The following C10orf143 variants were observed in gnomAD, a reference collection of about 807,000 sequenced individuals.
C10orf143 encodes the protein chromosome 10 open reading frame 143.
intron 1 of C10orf143, among the ~76,000 whole-genome samples, chr10:130,092,941 A>T (rs911562496): frequency 6.6e-6 from 1 of 152,184 alleles, no homozygotes; most frequent in Non-Finnish European, 1.5e-5. Flanking sequence ...ACCTACAAAG[A>T]GATTTAGACT....
At chr10:130,078,271 T>G (rs1447082267) in intron 3 of C10orf143, among the ~76,000 whole-genome samples, 1 of 152,156 alleles carries the variant, frequency 6.6e-6, no homozygotes, top group African/African-American at 2.4e-5. Context: ...CTGTACTACA[T>G]TCCAAGTGTT....
intron 1 of C10orf143, among the ~76,000 whole-genome samples, chr10:130,103,535 G>A (rs1184945): frequency 0.58 from 87,774 of 151,912 alleles, 26,780 homozygotes; most frequent in Admixed American, 0.7. Flanking sequence ...GGCCAGGTGC[G>A]GTGGCTCATG....
At chr10:130,106,009 G>T in intron 1 of C10orf143, 1 of 455,560 alleles carries the variant, frequency 2.2e-6, no homozygotes, top group East Asian at 6.0e-5. Flanking sequence ...GTTGTGGCCG[G>T]GGTTACTGCG....
rs138516557 is a variant in C10orf143 at position 130,044,239 on chromosome 10, C to T, written c.298-8269G>A. On this transcript the variant is annotated intron_variant and NMD_transcript_variant, in intron 3 of 5. Coordinates refer to the C10orf143 transcript ENST00000643056. ...GAGAAGCCTTGGCGGGAAAAGTGAC[C>T]GAGACATTTGAGAACAGGCTGAGCC... Among the ~76,000 whole-genome samples, 95 of 152,232 alleles carry T rather than the reference C, an allele frequency of 6.2e-4. No individual in the cohort carries two copies. In the East Asian group the frequency reaches 0.017, roughly 27 times the overall value.
At chr10:130,048,322 C>T (rs1218010784) in intron 3 of C10orf143, among the ~76,000 whole-genome samples, 1 of 152,184 alleles carries the variant, frequency 6.6e-6, no homozygotes, top group Non-Finnish European at 1.5e-5. Flanking sequence ...GGGTAAGAGC[C>T]CCAGTCTGTG....
At chr10:130,080,719 C>A (rs1477690262) in intron 1 of C10orf143, among the ~76,000 whole-genome samples, 2 of 152,232 alleles carry the variant, frequency 1.3e-5, no homozygotes, top group Admixed American at 6.5e-5. Flanking sequence ...CAGTCACTTG[C>A]AAACCACCTT....
intron 1 of C10orf143, chr10:130,101,035 T>C (rs1564969901): frequency 1.3e-5 from 2 of 151,984 alleles, no homozygotes; most frequent in African/African-American, 4.8e-5. Context: ...CTGGCCAACA[T>C]GGTGAAACCC....
chr10:130,071,601 T>C (rs953548182), intron 3 of C10orf143, among the ~76,000 whole-genome samples: 3 of 152,170 alleles, frequency 2.0e-5, no homozygotes, highest in Non-Finnish European at 4.4e-5. Context: ...TTCTGATATG[T>C]AGCATGTCTT....
intron 3 of C10orf143, among the ~76,000 whole-genome samples, chr10:130,038,268 G>T (rs538479315): frequency 6.6e-6 from 1 of 152,280 alleles, no homozygotes; most frequent in South Asian, 2.1e-4. Context: ...TTTCGGGTTC[G>T]GGACTGCTCA....
downstream of C10orf143, among the ~76,000 whole-genome samples, chr10:130,062,832 G>T (rs575501033): frequency 1.3e-5 from 2 of 152,228 alleles, no homozygotes; most frequent in South Asian, 4.2e-4. Context: ...TTTCGTCCTT[G>T]TCACCTGGGT....
intron 3 of C10orf143, 138 bp downstream of exon 3, chr10:130,079,428 A>C: frequency 2.5e-6 from 1 of 397,212 alleles, no homozygotes. Context: ...GAAAAGCTTA[A>C]ATCAATTTTC....
At chr10:130,035,462 C>T (rs912284071) in intron 4 of C10orf143, among the ~76,000 whole-genome samples, 1 of 152,156 alleles carries the variant, frequency 6.6e-6, no homozygotes, top group South Asian at 2.1e-4. Flanking sequence ...TCAATTCAGC[C>T]ATAACACTGC....
At chr10:130,102,899 T>G (rs1861580106) in intron 1 of C10orf143, among the ~76,000 whole-genome samples, 1 of 152,198 alleles carries the variant, frequency 6.6e-6, no homozygotes, top group African/African-American at 2.4e-5. Context: ...TTAGCGTGAT[T>G]TTTTTTGCGT....
intron 1 of C10orf143, chr10:130,107,778 A>T (rs1230242366): frequency 1.6e-6 from 2 of 1,242,408 alleles, no homozygotes; most frequent in Non-Finnish European, 2.4e-6. Flanking sequence ...TCAAGCTGTG[A>T]AAGGTTAACC....
chr10:130,060,908 T>G (rs1386247838), downstream of C10orf143, among the ~76,000 whole-genome samples: 2 of 146,318 alleles, frequency 1.4e-5, no homozygotes, highest in African/African-American at 5.1e-5. Flanking sequence ...GAGGCCAAGG[T>G]GAGCAGATGG....
Position 130,110,757 on chromosome 10 carries a change from G to T in C10orf143, c.16C>A (p.Leu6Ile). The stretch of plus-strand genomic sequence containing the variant: ...GCCCTCCGCTGTCGCCAGCGGCCGA[G>T]CGCTAAGCTGTCCATGCAGCCCCAG... Reference protein sequence around the residue: MDSLALGRWRQRRAED... With the variant: MDSLAIGRWRQRRAED... Residue 6 changes from leucine to isoleucine, a missense_variant, in exon 1 of 4, where the codon CTC becomes ATC. Transcript: ENST00000637128. The T allele has an allele frequency of 2.5e-6, 1 of 398,974 alleles. No homozygotes were observed. Among genetic ancestry groups the T allele is most frequent in the South Asian group, 1.3e-4 (1 of 7,864 alleles). The allele number at this position is 398,974 out of a possible 1,614,324, so 24.7% of individuals were successfully genotyped here. A position where few individuals can be genotyped will look rare whatever the true frequency, so the allele number is the denominator to read the frequency against.
chr10:130,058,232 C>A (rs537988956), intron 3 of C10orf143, among the ~76,000 whole-genome samples: 1 of 152,254 alleles, frequency 6.6e-6, no homozygotes, highest in African/African-American at 2.4e-5. Flanking sequence ...ACCCCACAAT[C>A]CATGTGCAGT....
At chr10:130,041,127 G>A (rs1860602298) in intron 3 of C10orf143, among the ~76,000 whole-genome samples, 1 of 152,234 alleles carries the variant, frequency 6.6e-6, no homozygotes, top group Non-Finnish European at 1.5e-5. Context: ...CTTCTCAGGA[G>A]GCCAAGCTCC....
At chr10:130,063,151 G>A (rs1013039134), downstream of C10orf143, among the ~76,000 whole-genome samples, 6 of 152,144 alleles carry the variant, frequency 3.9e-5, no homozygotes, top group Admixed American at 6.5e-5. Context: ...AGCCAGCTTC[G>A]TATGAACAGC....
Sources: allele counts gnomAD v4.1 joint callset (sites outside exome capture counted in the v4.1 genomes callset), GRCh38; gene constraint gnomAD v4.1.1; transcripts MANE v1.5; gene names NCBI Gene and HGNC (gene_info 2026-07-23, HGNC 2026-07-21).